Variants in ROBO2 observed in about 807,000 individuals in gnomAD.
ROBO2 encodes roundabout homolog 2.
A neutral mutation model predicts 160.8 loss-of-function variants in ROBO2; 53 were observed. The observed-to-expected ratio is 0.33, with a 90% CI of 0.26 to 0.41. The LOEUF is 0.41. Among genes scored for constraint, ROBO2 ranks in the 10% least tolerant of loss-of-function variants. The pLI is 1.00. For missense variants in ROBO2, 1,577 were observed against 1,722.4 expected (o/e 0.92, Z 1.49); for synonymous variants, 664 against 611.7 (o/e 1.09, Z -1.26).
At chr3:76,686,009 T>C (rs1234841021) in intron 2 of ROBO2, among the ~76,000 whole-genome samples, 1 of 152,082 alleles carries the variant, frequency 6.6e-6, no homozygotes, top group Non-Finnish European at 1.5e-5. Context: ...AGAGCGACGG[T>C]GAATCACCCT....
chr3:76,922,121 C>G (rs2076701895), intron 2 of ROBO2, among the ~76,000 whole-genome samples: 1 of 152,148 alleles, frequency 6.6e-6, no homozygotes, highest in Admixed American at 6.5e-5. Flanking sequence ...ACCATCCTGG[C>G]TAACATGGTG....
chr3:77,058,084 C>T (rs539960421), intron 1 of ROBO2, among the ~76,000 whole-genome samples: 1 of 152,000 alleles, frequency 6.6e-6, no homozygotes, highest in South Asian at 2.1e-4. Flanking sequence ...GGAGAATACT[C>T]GGATGTTTTC....
At chr3:77,000,511 A>G (rs2061281845) in intron 2 of ROBO2, among the ~76,000 whole-genome samples, 1 of 152,136 alleles carries the variant, frequency 6.6e-6, no homozygotes, top group Non-Finnish European at 1.5e-5. Flanking sequence ...CCTTCTTCTG[A>G]ACTTTCTCAA....
At chr3:76,309,470 A>C (rs2107774450) in intron 2 of ROBO2, among the ~76,000 whole-genome samples, 1 of 152,288 alleles carries the variant, frequency 6.6e-6, no homozygotes, top group African/African-American at 2.4e-5. Context: ...TGACAAACAT[A>C]GTTTCCTTTT....
At chr3:76,686,381 T>G (rs999864881) in intron 2 of ROBO2, among the ~76,000 whole-genome samples, 1 of 152,092 alleles carries the variant, frequency 6.6e-6, no homozygotes, top group African/African-American at 2.4e-5. Flanking sequence ...TTCAGATAAA[T>G]TACTTAAAAA....
chr3:76,337,570 A>AT (rs2073972581), intron 2 of ROBO2, among the ~76,000 whole-genome samples: 1 of 152,174 alleles, frequency 6.6e-6, no homozygotes, highest in Admixed American at 6.5e-5. Context: ...GCCTCAACAC[A>AT]TATCACTTAC....
chr3:76,370,268 T>C (rs2076039891), intron 2 of ROBO2, among the ~76,000 whole-genome samples: 1 of 151,964 alleles, frequency 6.6e-6, no homozygotes, highest in Non-Finnish European at 1.5e-5. Context: ...TTCTATTTAT[T>C]TTCTCTAAAA....
chr3:76,776,498 A>G (rs1038858896), intron 2 of ROBO2, among the ~76,000 whole-genome samples: 1 of 150,928 alleles, frequency 6.6e-6, no homozygotes, highest in Non-Finnish European at 1.5e-5. Context: ...GATAGAGGAA[A>G]TATTCTTGAT....
intron 2 of ROBO2, among the ~76,000 whole-genome samples, chr3:77,327,533 G>A (rs1000106059): frequency 6.6e-6 from 1 of 152,034 alleles, no homozygotes; most frequent in Non-Finnish European, 1.5e-5. Flanking sequence ...ATTGGAGAAG[G>A]GATGAGTAAA....
intron 2 of ROBO2, among the ~76,000 whole-genome samples, chr3:77,291,402 A>C (rs1187678851): frequency 6.6e-6 from 1 of 151,882 alleles, no homozygotes; most frequent in African/African-American, 2.4e-5. Context: ...CATAAAGTAA[A>C]ATTGATAGTT....
At chr3:76,014,549 G>A (rs6767923) in intron 2 of ROBO2, among the ~76,000 whole-genome samples, 3 of 26,208 alleles carry the variant, frequency 1.1e-4, no homozygotes, top group African/African-American at 2.6e-4. Context: ...TGGCTTGTGC[G>A]TGTAATCCCA....
chr3:77,591,718 T>C (rs1251229473), intron 17 of ROBO2, among the ~76,000 whole-genome samples: 16 of 152,206 alleles, frequency 1.1e-4, no homozygotes, highest in Non-Finnish European at 2.9e-5. Context: ...ATTCCATATG[T>C]ATCTCTAATA....
At chr3:76,511,075 G>C (rs1008766855) in intron 2 of ROBO2, among the ~76,000 whole-genome samples, 1 of 152,158 alleles carries the variant, frequency 6.6e-6, no homozygotes, top group Non-Finnish European at 1.5e-5. Context: ...ACTAGAACAA[G>C]TCTCTAATGC....
chr3:77,326,625 G>A (rs1001992335), intron 2 of ROBO2, among the ~76,000 whole-genome samples: 44 of 152,134 alleles, frequency 2.9e-4, no homozygotes, highest in African/African-American at 8.9e-4. Context: ...ATGTGAATGC[G>A]TTTCTTTTTT....
At chr3:76,884,747 T>C (rs1577246015) in intron 2 of ROBO2, among the ~76,000 whole-genome samples, 1 of 152,264 alleles carries the variant, frequency 6.6e-6, no homozygotes, top group African/African-American at 2.4e-5. Flanking sequence ...TTTAATTAAA[T>C]TTTATTAATT....
rs578013428 is a variant in ROBO2, at chr3:77,571,614, C to T, written c.1972-2885C>T. Among the ~76,000 whole-genome samples, 9 of 152,062 alleles carry T rather than the reference C, an allele frequency of 5.9e-5. No individual in the cohort carries two copies. In the South Asian group the frequency reaches 1.9e-3, roughly 32 times the overall value. ...CATTTTATTTTTCCTTAAGACAACT[C>T]TTTTTTTATTCATGTTTCAGAAAAT... On this transcript the variant is annotated intron_variant, in intron 13 of 25. Transcript: ENST00000461745.
At chr3:75,940,140 TAA>T (rs1348025305) in intron 2 of ROBO2, among the ~76,000 whole-genome samples, 3 of 152,188 alleles carry the variant, frequency 2.0e-5, no homozygotes, top group Non-Finnish European at 2.9e-5. Flanking sequence ...TCTAAATGTT[TAA>T]GTCACTGGGG....
Position 76,739,593 on chromosome 3 carries a change from T to A in ROBO2, c.110-358421T>A, listed in dbSNP as rs150358751. On this transcript the variant is annotated intron_variant, in intron 2 of 26. Coordinates refer to the ROBO2 transcript ENST00000487694. ...TATACATATGTAACTGACCTGCACG[T>A]TGTGCACATGTACCCTAAAACTTAA... Among the ~76,000 whole-genome samples the A allele has an allele frequency of 1.5e-3, 227 of 152,080 alleles. 4 individuals carry two copies. In the East Asian group the frequency reaches 0.035, roughly 23 times the overall value.
chr3:76,372,978 GGAA>G (rs1457173445), intron 2 of ROBO2, among the ~76,000 whole-genome samples: 2 of 151,948 alleles, frequency 1.3e-5, no homozygotes, highest in African/African-American at 2.4e-5. Flanking sequence ...GTGAAGGCAA[GGAA>G]GAATAAGCGA....
Sources: allele counts gnomAD v4.1 joint callset (sites outside exome capture counted in the v4.1 genomes callset), GRCh38; gene constraint gnomAD v4.1.1; transcripts MANE v1.5; gene names NCBI Gene and HGNC (gene_info 2026-07-23, HGNC 2026-07-21).